Variants in ZFYVE16 observed in about 807,000 individuals in gnomAD.
ZFYVE16 encodes zinc finger FYVE-type containing 16.
ZFYVE16 carries 89 observed loss-of-function variants against 138.1 expected under a neutral mutation model. That is an observed-to-expected ratio of 0.64 (90% confidence interval 0.54 to 0.77). The LOEUF is 0.77. Ranked by LOEUF, ZFYVE16 falls within the 30% of genes least tolerant of loss-of-function variation. The pLI is 0.00. For missense variants in ZFYVE16, 1,793 were observed against 1,786.7 expected, an observed-to-expected ratio of 1.00 and a Z score of -0.06; for synonymous variants, 596 against 618.3, an observed-to-expected ratio of 0.96 and a Z score of 0.53.
intron 15 of ZFYVE16, among the ~76,000 whole-genome samples, chr5:80,469,810 A>T (rs1335463679): frequency 2.7e-5 from 4 of 147,712 alleles, no homozygotes; most frequent in African/African-American, 9.9e-5. Context: ...TTCTCCAATT[A>T]TTTTTTTTTT....
chr5:80,431,758 G>A (rs1185364347), intron 2 of ZFYVE16, among the ~76,000 whole-genome samples: 11 of 152,168 alleles, frequency 7.2e-5, no homozygotes, highest in African/African-American at 2.6e-4. Context: ...TACAAAATCA[G>A]TGTGCAAAAA....
intron 1 of ZFYVE16, among the ~76,000 whole-genome samples, chr5:80,418,759 A>T (rs1317608021): frequency 6.6e-6 from 1 of 152,150 alleles, no homozygotes; most frequent in Admixed American, 6.5e-5. Context: ...TGCAAGTTTT[A>T]CATTTTAATA....
At chr5:80,433,306 A>C (rs1480868715) in intron 2 of ZFYVE16, among the ~76,000 whole-genome samples, 1 of 152,214 alleles carries the variant, frequency 6.6e-6, no homozygotes, top group Non-Finnish European at 1.5e-5. Flanking sequence ...ATGAAGCTGG[A>C]AACCATCATT....
At chr5:80,429,758 TATACC>T (rs1285908600) in intron 2 of ZFYVE16, among the ~76,000 whole-genome samples, 1 of 151,920 alleles carries the variant, frequency 6.6e-6, no homozygotes, top group African/African-American at 2.4e-5. Context: ...TGGAAAAAGA[TATACC>T]AAACACATAA....
At chr5:80,467,205 T>C (rs1036400699) in intron 15 of ZFYVE16, among the ~76,000 whole-genome samples, 2 of 152,196 alleles carry the variant, frequency 1.3e-5, no homozygotes, top group African/African-American at 4.8e-5. Context: ...GGAATACAAT[T>C]GAGGCAAACA....
Position 80,477,439 on chromosome 5 carries a change from A to G in ZFYVE16, c.*62A>G. 6.8e-7 allele frequency: 1 copy of G among 1,478,642 alleles called. No individual in the cohort carries two copies. Among genetic ancestry groups the G allele is most frequent in the Non-Finnish European group, 9.1e-7 (1 of 1,102,526 alleles). 91.6% of individuals were successfully genotyped at this position (1,478,642 alleles called of 1,614,324 possible). On this transcript the variant is annotated 3_prime_UTR_variant, in exon 19 of 19. Transcript: ENST00000505560. ...TTGTTAAAACTAACTCCAGCACTAAAGCTGAAATGCCACAAACACTAAAAG... is the reference window on the plus strand; with the variant it reads ...TTGTTAAAACTAACTCCAGCACTAAGGCTGAAATGCCACAAACACTAAAAG...
At chr5:80,423,548 T>C (rs1747545557) in intron 1 of ZFYVE16, among the ~76,000 whole-genome samples, 1 of 152,204 alleles carries the variant, frequency 6.6e-6, no homozygotes, top group Admixed American at 6.5e-5. Context: ...TTTTTATTTA[T>C]GTATTGAGAT....
intron 14 of ZFYVE16, among the ~76,000 whole-genome samples, chr5:80,457,715 TG>T (rs1160226157): frequency 6.6e-6 from 1 of 152,114 alleles, no homozygotes; most frequent in African/African-American, 2.4e-5. Flanking sequence ...GTAGTAAGCT[TG>T]GAAAATACAT....
rs139558987 is a variant in ZFYVE16, at chr5:80,476,426, T to G, written c.4462-793T>G. ...GTTCTCCTGCCTTGGCCTCCCAAAG[T>G]GTTGAGATTGTAGGCATGAGCCACC... On this transcript the variant is annotated intron_variant, in intron 18 of 18. Coordinates refer to ENST00000505560, the MANE Select transcript of ZFYVE16 (RefSeq NM_001284236.3). 1.7e-3 allele frequency among the ~76,000 whole-genome samples: 259 copies of G among 152,260 alleles called. 1 individual carries two copies. The highest frequency in any genetic ancestry group is 6.8e-3 in the Middle Eastern group (2 of 294).
At chr5:80,444,589 A>G (rs1440635855) in intron 6 of ZFYVE16, among the ~76,000 whole-genome samples, 3 of 152,014 alleles carry the variant, frequency 2.0e-5, no homozygotes, top group South Asian at 4.1e-4. Context: ...ATATTGATAC[A>G]TATGAATAAA....
intron 15 of ZFYVE16, among the ~76,000 whole-genome samples, chr5:80,468,154 G>T (rs1021636937): frequency 6.6e-6 from 1 of 152,094 alleles, no homozygotes; most frequent in Non-Finnish European, 1.5e-5. Flanking sequence ...TTTACAAAAG[G>T]TCCATGGGAA....
Position 80,438,884 on chromosome 5 carries a change from A to C in ZFYVE16, c.2199A>C (p.Glu733Asp). Reference sequence around the variant, plus strand: ...CTGTACCTGAAAACACTTGCAAAGAAGGCTTGGTTTTGGGCCAGAAACAGC... The same window carrying C: ...CTGTACCTGAAAACACTTGCAAAGACGGCTTGGTTTTGGGCCAGAAACAGC... ...EDSVPENTCK[E>D]GLVLGQKQPT... Residue 733 changes from glutamate (E) to aspartate (D), a missense_variant, in exon 4 of 19, where the codon GAA (glutamate) becomes GAC (aspartate). By Grantham distance (45) the Glu-to-Asp change is conservative. Transcript: ENST00000505560. The C allele has an allele frequency of 6.2e-7, 1 of 1,614,122 alleles. No homozygotes were observed.
In ZFYVE16 at chr5:80,480,567, T is replaced by G. The variant is rs1340151172; in HGVS notation, c.*3190T>G. Reference sequence around the variant, plus strand: ...GAATTTTAAAAACTGATGAAAGACATGACCCCACACATTCTAGAAGCCAGA... The same window carrying G: ...GAATTTTAAAAACTGATGAAAGACAGGACCCCACACATTCTAGAAGCCAGA... On this transcript the variant is annotated 3_prime_UTR_variant, in exon 19 of 19. Coordinates refer to ENST00000505560, the MANE Select transcript of ZFYVE16 (RefSeq NM_001284236.3). Among the ~76,000 whole-genome samples the G allele has an allele frequency of 6.6e-6, 1 of 152,018 alleles. No homozygotes were observed. The highest frequency in any genetic ancestry group is 2.4e-5 in the African/African-American group (1 of 41,412).
intron 1 of ZFYVE16, among the ~76,000 whole-genome samples, chr5:80,426,554 G>A (rs1189827372): frequency 6.6e-6 from 1 of 151,834 alleles, no homozygotes; most frequent in African/African-American, 2.4e-5. Context: ...GAGGTGTTTG[G>A]TTTTCTGTTC....
chr5:80,417,395 TGA>T (rs1746414412), intron 1 of ZFYVE16, among the ~76,000 whole-genome samples: 1 of 152,214 alleles, frequency 6.6e-6, no homozygotes, highest in Non-Finnish European at 1.5e-5. Flanking sequence ...ATTTGCATGT[TGA>T]GGTTTATTCT....
chr5:80,467,914 A>G (rs927469788), intron 15 of ZFYVE16, among the ~76,000 whole-genome samples: 2 of 152,186 alleles, frequency 1.3e-5, no homozygotes, highest in South Asian at 2.1e-4. Flanking sequence ...ACCAAACAGA[A>G]TATCAGTGAA....
intron 5 of ZFYVE16, chr5:80,441,956 G>C: frequency 2.1e-6 from 2 of 973,458 alleles, no homozygotes; most frequent in Non-Finnish European, 2.4e-6. Flanking sequence ...TTCAAGCAGA[G>C]AGCAAAATAG....
At chr5:80,474,451 A>G (rs1282703573) in intron 17 of ZFYVE16, among the ~76,000 whole-genome samples, 2 of 152,196 alleles carry the variant, frequency 1.3e-5, no homozygotes, top group Admixed American at 1.3e-4. Flanking sequence ...AATTAACCTT[A>G]GGCAAAAATT....
Position 80,481,886 on chromosome 5 carries a change from C to A in ZFYVE16, c.*4509C>A, listed in dbSNP as rs1345103948. 6.6e-6 allele frequency among the ~76,000 whole-genome samples: 1 copy of A among 152,162 alleles called. No homozygotes were observed. ...CCAGGCTAGAGTGCAGTGATACAAT[C>A]TTGGCTCACTGCAACCTCCACCCCC... On this transcript the variant is annotated 3_prime_UTR_variant, in exon 19 of 19. Transcript: ENST00000505560.
Sources: gnomAD v4.1 joint callset for allele counts (sites outside exome capture counted in the v4.1 genomes callset) on GRCh38, gnomAD v4.1.1 for gene constraint, MANE v1.5 for transcripts, NCBI Gene and HGNC (gene_info 2026-07-23, HGNC 2026-07-21) for gene names.